MESP1: variants seen among roughly 807,000 people sequenced by gnomAD.
MESP1 encodes mesoderm posterior bHLH transcription factor 1, also known as mesoderm posterior protein 1.
A neutral mutation model predicts 15.2 loss-of-function variants in MESP1; 22 were observed. The observed-to-expected ratio is 1.45, with a 90% CI of 1.04 to 2.07. The LOEUF is 2.07. MESP1 is among the 30% of genes most tolerant of loss of function. MESP1 has a pLI of 0.00. For synonymous variants in MESP1, 216 were observed against 192.6 expected, an observed-to-expected ratio of 1.12 and a Z score of -1.01; for missense variants, 484 against 411.9, an observed-to-expected ratio of 1.17 and a Z score of -1.51.
At chr15:89,745,292 C>T (rs953672658), downstream of MESP1, among the ~76,000 whole-genome samples, 2 of 152,138 alleles carry the variant, frequency 1.3e-5, no homozygotes, top group East Asian at 1.9e-4. The surrounding 1 kb of genome is among the most constrained non-coding windows in gnomAD (Gnocchi z 4.8). Context: ...GTCCCACCAG[C>T]GGGACGAGGG....
chr15:89,741,805 G>A, the MESP1 span, among the ~76,000 whole-genome samples: 5 of 151,846 alleles, frequency 3.3e-5, no homozygotes, highest in African/African-American at 1.2e-4. Flanking sequence ...AGGCTGGAGT[G>A]CAGTGGCACA....
At chr15:89,734,032 CGTGT>C in the MESP1 span, among the ~76,000 whole-genome samples, 6 of 151,500 alleles carry the variant, frequency 4.0e-5, no homozygotes, top group African/African-American at 1.5e-4. Flanking sequence ...CATGTGTGTA[CGTGT>C]GTGTGTGTAA....
chr15:89,742,415 G>GCCCC, the MESP1 span, among the ~76,000 whole-genome samples: 1 of 151,936 alleles, frequency 6.6e-6, no homozygotes, highest in African/African-American at 2.4e-5. Context: ...CCCACTGACA[G>GCCCC]CCCCCCCTCC....
chr15:89,750,463 TGCGCGGGGGCACGGACGAAGGGG>T, intron 1 of MESP1, 23 bp downstream of exon 1: 1 of 1,451,914 alleles, frequency 6.9e-7, no homozygotes, highest in Non-Finnish European at 9.0e-7. Flanking sequence ...GGTGGGGCTG[TGCGCGGGGGCACGGACGAAGGGG>T]GCGCGGGGAA....
chr15:89,743,424 G>C, the MESP1 span: 72 of 1,608,474 alleles, frequency 4.5e-5, no homozygotes, highest in Non-Finnish European at 6.0e-5. Context: ...CTGAAAAGGA[G>C]GTTTCAGCCA....
At chr15:89,749,351 G>A, downstream of MESP1, 1 of 152,246 alleles carries the variant, frequency 6.6e-6, no homozygotes, top group Admixed American at 6.5e-5. Flanking sequence ...TCCAAGGCCA[G>A]GATGCTCCCG....
the MESP1 span, among the ~76,000 whole-genome samples, chr15:89,740,570 C>T: frequency 1.3e-5 from 2 of 152,126 alleles, no homozygotes; most frequent in African/African-American, 4.8e-5. Flanking sequence ...GGCGCGATCT[C>T]GGCTCACTGC....
chr15:89,742,125 C>G, the MESP1 span, among the ~76,000 whole-genome samples: 2 of 151,948 alleles, frequency 1.3e-5, no homozygotes, highest in African/African-American at 2.4e-5. Context: ...CTGTGGCTCA[C>G]GCCTGTAATC....
At chr15:89,742,735 G>T in the MESP1 span, among the ~76,000 whole-genome samples, 3 of 152,046 alleles carry the variant, frequency 2.0e-5, no homozygotes, top group East Asian at 5.8e-4. Flanking sequence ...GTTTCTCCAG[G>T]TTGGCCAGGC....
rs772837559 is a variant in MESP1, at chr15:89,751,221, G to A, written c.11C>T (p.Pro4Leu). 1.6e-6 allele frequency: 2 copies of A among 1,242,938 alleles called. No individual in the cohort carries two copies. Among genetic ancestry groups the A allele is most frequent in the Non-Finnish European group, 2.0e-6 (2 of 994,766 alleles). 77.0% of individuals were successfully genotyped at this position (1,242,938 alleles called of 1,614,324 possible). A position where few individuals can be genotyped will look rare whatever the true frequency, so the allele number is the denominator to read the frequency against. The change falls in exon 1 of 2, where the codon CCC (proline) becomes CTC (leucine). Residue 4 changes from proline (P) to leucine (L), a missense_variant. By Grantham distance (98) the Pro-to-Leu change is moderately conservative. Coordinates refer to ENST00000300057, the MANE Select transcript of MESP1 (RefSeq NM_018670.4). MAQ[P>L]LCPPLSESWM... is the part of the protein sequence containing the mutation. ...GGACTCGGAGAGCGGCGGGCACAGG[G>A]GCTGGGCCATGGCAGCGGCGGCGCG... is the stretch of plus-strand genomic sequence containing the variant.
chr15:89,743,308 A>G, the MESP1 span: 1 of 1,614,196 alleles, frequency 6.2e-7, no homozygotes, highest in Non-Finnish European at 8.5e-7. Context: ...GAAGCTGGAG[A>G]AGAACCCAGA....
chr15:89,735,459 G>C, the MESP1 span: 1 of 1,609,684 alleles, frequency 6.2e-7, no homozygotes, highest in Non-Finnish European at 8.5e-7. Flanking sequence ...TCTTAAAGTA[G>C]GAGAATGTCT....
At chr15:89,750,355 C>G (rs1439398159) in intron 1 of MESP1, 128 bp from the exon 2 acceptor site, 1 of 1,500,310 alleles carries the variant, frequency 6.7e-7, no homozygotes, top group Non-Finnish European at 8.9e-7. Flanking sequence ...TGGCCTTTCC[C>G]TGCCTTCGCT....
the MESP1 span, among the ~76,000 whole-genome samples, chr15:89,740,597 G>A: frequency 6.6e-6 from 1 of 152,144 alleles, no homozygotes; most frequent in Non-Finnish European, 1.5e-5. Context: ...TGCCTCCCGG[G>A]TTCAAGCGAT....
At chr15:89,737,671 G>A in the MESP1 span, 8 of 1,614,096 alleles carry the variant, frequency 5.0e-6, no homozygotes, top group Non-Finnish European at 5.9e-6. Context: ...TTCCTCTGGA[G>A]GTCCCCTGGA....
At chr15:89,739,249 G>A in the MESP1 span, among the ~76,000 whole-genome samples, 1 of 152,088 alleles carries the variant, frequency 6.6e-6, no homozygotes, top group African/African-American at 2.4e-5. Flanking sequence ...ACACAGCCGT[G>A]CCCATTTGTT....
chr15:89,743,218 G>A, the MESP1 span: 16 of 1,439,802 alleles, frequency 1.1e-5, no homozygotes, highest in East Asian at 1.8e-4. Flanking sequence ...CAGGGTAGTC[G>A]AGGTCTGCCC....
Position 89,750,938 on chromosome 15 carries a change from C to T in MESP1, c.294G>A (p.Leu98=), listed in dbSNP as rs773168014. The T allele has an allele frequency of 5.5e-6, 8 of 1,455,370 alleles. No homozygotes were observed. The Admixed American group carries it at 1.8e-4, about 33-fold the overall frequency. 90.2% of individuals were successfully genotyped at this position (1,455,370 alleles called of 1,614,324 possible). Residue 98 remains leucine, a synonymous_variant, in exon 1 of 2, where the codon CTG becomes CTA. Coordinates refer to ENST00000300057, the MANE Select transcript of MESP1 (RefSeq NM_018670.4). ...GGCGCAGCTCGTGCAGGGCGCGGGCCAGCGTGCGCATGCGCAGTTTCTCCC... is the reference window on the plus strand; with the variant it reads ...GGCGCAGCTCGTGCAGGGCGCGGGCTAGCGTGCGCATGCGCAGTTTCTCCC... ...SEREKLRMRT[L]ARALHELRRF...
the MESP1 span, chr15:89,737,581 CT>C: frequency 3.6e-4 from 586 of 1,614,220 alleles, no homozygotes; most frequent in Admixed American, 5.5e-4. Context: ...AGGTGCTCAT[CT>C]TTTCCAAGAA....
Sources: allele counts gnomAD v4.1 joint callset (sites outside exome capture counted in the v4.1 genomes callset), GRCh38; gene constraint gnomAD v4.1.1; non-coding constraint Gnocchi (gnomAD v3.1); transcripts MANE v1.5; gene names NCBI Gene and HGNC (gene_info 2026-07-23, HGNC 2026-07-21).